The following AP2B1 variants were observed in gnomAD, a reference collection of about 807,000 sequenced individuals.
The protein encoded by AP2B1 is AP-2 complex subunit beta.
Under a neutral mutation model 102.0 loss-of-function variants are expected in AP2B1, and 23 were observed. That is an observed-to-expected ratio of 0.23 (90% CI 0.16 to 0.32). The LOEUF is 0.32. Among genes scored for constraint, AP2B1 ranks in the 10% least tolerant of loss-of-function variants. The pLI, the probability that AP2B1 is intolerant of heterozygous loss-of-function variation, is 1.00. For missense variants in AP2B1, 541 were observed against 1,157.4 expected, an observed-to-expected ratio of 0.47 and a Z score of 7.73; for synonymous variants, 381 against 421.2, an observed-to-expected ratio of 0.90 and a Z score of 1.17.
intron 14 of AP2B1, among the ~76,000 whole-genome samples, chr17:35,665,446 C>A (rs955009672): frequency 1.3e-5 from 2 of 152,080 alleles, no homozygotes; most frequent in African/African-American, 2.4e-5. Flanking sequence ...TTTTGAAGAT[C>A]ATATTAAAAT....
intron 5 of AP2B1, among the ~76,000 whole-genome samples, chr17:35,608,911 T>C (rs989805463): frequency 6.6e-6 from 1 of 152,212 alleles, no homozygotes; most frequent in Non-Finnish European, 1.5e-5. Flanking sequence ...CTTTTCCTTA[T>C]TGACATTTTA....
intron 14 of AP2B1, among the ~76,000 whole-genome samples, chr17:35,658,787 C>T (rs2075293597): frequency 1.3e-5 from 2 of 152,334 alleles, no homozygotes; most frequent in Admixed American, 1.3e-4. Context: ...ATACTGGCAT[C>T]TTCTCTTCTA....
intron 9 of AP2B1, among the ~76,000 whole-genome samples, chr17:35,631,603 A>G (rs1315546115): frequency 2.0e-5 from 3 of 152,012 alleles, no homozygotes; most frequent in Non-Finnish European, 4.4e-5. Flanking sequence ...ACATTGATCC[A>G]CATTATAAAG....
intron 4 of AP2B1, among the ~76,000 whole-genome samples, chr17:35,607,297 A>AATAAGC (rs1388896423): frequency 6.6e-6 from 1 of 152,154 alleles, no homozygotes; most frequent in African/African-American, 2.4e-5. Flanking sequence ...CTTCTATTTA[A>AATAAGC]AATGTTTTGA....
intron 5 of AP2B1, among the ~76,000 whole-genome samples, chr17:35,616,521 GAC>G (rs1256835765): frequency 6.6e-6 from 1 of 152,066 alleles, no homozygotes; most frequent in Non-Finnish European, 1.5e-5. Flanking sequence ...AAGTTACAAA[GAC>G]AGTACAGAAA....
intron 12 of AP2B1, 26 bp downstream of exon 12, chr17:35,642,001 G>T (rs754622284): frequency 7.1e-6 from 11 of 1,538,942 alleles, no homozygotes; most frequent in Admixed American, 1.7e-5. Context: ...AAAGCAAGAT[G>T]TTGATTTGTC....
At chr17:35,657,442 C>T (rs746196515) in intron 13 of AP2B1, among the ~76,000 whole-genome samples, 157 bp from the exon 14 acceptor site, 2 of 152,162 alleles carry the variant, frequency 1.3e-5, no homozygotes, top group Non-Finnish European at 2.9e-5. Flanking sequence ...GCTATTATCT[C>T]TTCATGAACA....
At chr17:35,662,289 G>A (rs11654542) in intron 14 of AP2B1, among the ~76,000 whole-genome samples, 11,112 of 151,454 alleles carry the variant, frequency 0.073, 468 homozygotes, top group Middle Eastern at 0.11. Context: ...TTTTTTTATC[G>A]CATTTCAGCA....
chr17:35,607,263 AACAG>A (rs755759979), intron 4 of AP2B1, among the ~76,000 whole-genome samples: 57 of 152,344 alleles, frequency 3.7e-4, no homozygotes, highest in Non-Finnish European at 6.5e-4. Context: ...ATTTAAAAAA[AACAG>A]ACAGCATTTC....
chr17:35,650,041 C>T (rs1330922718), intron 12 of AP2B1, among the ~76,000 whole-genome samples: 5 of 152,158 alleles, frequency 3.3e-5, no homozygotes, highest in Non-Finnish European at 7.4e-5. Flanking sequence ...CCTCTGCCTC[C>T]TGGGTTCAAG....
chr17:35,682,653 C>T (rs1271766153), intron 17 of AP2B1, 42 bp from the exon 18 acceptor site: 1 of 1,579,826 alleles, frequency 6.3e-7, no homozygotes, highest in Non-Finnish European at 8.6e-7. Flanking sequence ...CTAAATTCTG[C>T]CTCTTGATTA....
At chr17:35,666,133 G>A (rs6505484) in intron 14 of AP2B1, among the ~76,000 whole-genome samples, 131,504 of 152,126 alleles carry the variant, frequency 0.86, 57,176 homozygotes, top group East Asian at 0.97. Context: ...GCCTGTATGC[G>A]GGCTCAGCTC....
At chr17:35,685,350 G>C (rs1241873857) in intron 18 of AP2B1, among the ~76,000 whole-genome samples, 2 of 152,132 alleles carry the variant, frequency 1.3e-5, no homozygotes, top group Non-Finnish European at 2.9e-5. Context: ...CTTCCATTCT[G>C]CCCTTTTCCC....
intron 10 of AP2B1, among the ~76,000 whole-genome samples, chr17:35,637,690 A>ATT (rs11398346): frequency 1.5e-3 from 219 of 145,540 alleles, no homozygotes; most frequent in Non-Finnish European, 1.3e-3. Context: ...CGGTTTCTAA[A>ATT]TTTTTTTTTT....
chr17:35,608,506 G>A (rs1349424025), intron 5 of AP2B1, 119 bp downstream of exon 5: 22 of 1,215,938 alleles, frequency 1.8e-5, no homozygotes, highest in Middle Eastern at 2.5e-4. Context: ...TGGGAAACAT[G>A]ACTTTGTGTG....
rs117967089 is a variant in AP2B1 at position 35,622,055 on chromosome 17, T to C, written c.526-2342T>C. Among the ~76,000 whole-genome samples the C allele has an allele frequency of 1.4e-3, 206 of 152,318 alleles. 3 individuals are homozygous for C. In the East Asian group the frequency reaches 0.029, roughly 22 times the overall value. On this transcript the variant is annotated intron_variant, in intron 5 of 21. Coordinates refer to ENST00000610402, the MANE Select transcript of AP2B1 (RefSeq NM_001030006.2). ...TATGTTGTGCAAGGGAAATAAAATA[T>C]CTTGCATGTGAAGCACATGGAAGGG...
intron 4 of AP2B1, chr17:35,607,865 C>A: frequency 6.3e-6 from 2 of 315,716 alleles, no homozygotes; most frequent in Non-Finnish European, 1.2e-5. Flanking sequence ...TGGGATGGTA[C>A]GAACTCCCTA....
chr17:35,624,043 T>C (rs1167205027), intron 5 of AP2B1, among the ~76,000 whole-genome samples: 1 of 152,236 alleles, frequency 6.6e-6, no homozygotes, highest in Non-Finnish European at 1.5e-5. Context: ...TGTTGCCTAA[T>C]GTACATATTT....
At chr17:35,709,930 A>G (rs1294697950) in intron 19 of AP2B1, among the ~76,000 whole-genome samples, 2 of 152,236 alleles carry the variant, frequency 1.3e-5, no homozygotes, top group Admixed American at 6.5e-5. Context: ...GGCAGGACAG[A>G]TGTAATTATA....
Sources: allele counts gnomAD v4.1 joint callset (sites outside exome capture counted in the v4.1 genomes callset), GRCh38; gene constraint gnomAD v4.1.1; transcripts MANE v1.5; gene names NCBI Gene and HGNC (gene_info 2026-07-23, HGNC 2026-07-21).